Variants in TRPM7 observed in about 807,000 individuals in gnomAD.
TRPM7 encodes LTRPC ion channel family member 7.
TRPM7 carries 134 observed loss-of-function variants against 229.7 expected under a neutral mutation model. The observed-to-expected ratio is 0.58, with a 90% CI of 0.51 to 0.67. The LOEUF (loss-of-function observed/expected upper bound fraction) is 0.67. TRPM7 is among the 30% of genes least tolerant of loss of function. The pLI is 0.00. For missense variants in TRPM7, 1,901 were observed against 2,210.0 expected, an observed-to-expected ratio of 0.86 and a Z score of 2.80; for synonymous variants, 699 against 715.2, an observed-to-expected ratio of 0.98 and a Z score of 0.36.
chr15:50,646,243 G>C (rs1377699002), intron 4 of TRPM7, among the ~76,000 whole-genome samples: 1 of 152,104 alleles, frequency 6.6e-6, no homozygotes, highest in Non-Finnish European at 1.5e-5. Flanking sequence ...TCAGAACACG[G>C]AGGCAGGCAG....
Position 50,669,179 on chromosome 15 carries a change from C to A in TRPM7, c.4-6133G>T, listed in dbSNP as rs746122680. ...GCTCATGGCTGAGCGTGGTGGCTCACGCCTGTAATCACAGCACATTGGGAG... is the reference window on the plus strand; with the variant it reads ...GCTCATGGCTGAGCGTGGTGGCTCAAGCCTGTAATCACAGCACATTGGGAG... On this transcript the variant is annotated intron_variant, in intron 1 of 38. Transcript: ENST00000646667. 2.0e-5 allele frequency among the ~76,000 whole-genome samples: 3 copies of A among 152,076 alleles called. No individual in the cohort carries two copies. The East Asian group carries it at 5.8e-4, about 29-fold the overall frequency.
rs2053244221 is a variant in TRPM7 at position 50,559,873 on chromosome 15, C to A, written c.*1805G>T. The A allele has an allele frequency of 6.6e-6, 1 of 151,870 alleles. No individual in the cohort carries two copies. 9.4% of individuals were successfully genotyped at this position (151,870 alleles called of 1,614,324 possible). On this transcript the variant is annotated 3_prime_UTR_variant, in exon 39 of 39. Coordinates refer to ENST00000646667, the MANE Select transcript of TRPM7 (RefSeq NM_017672.6). ...ACTAAAAATATAAAAATTAGCTGGG[C>A]ATGGTGGCGTGTGCCTGTAGTCCCA...
At chr15:50,602,813 G>A (rs1278082000) in intron 21 of TRPM7, among the ~76,000 whole-genome samples, 1 of 152,134 alleles carries the variant, frequency 6.6e-6, no homozygotes, top group African/African-American at 2.4e-5. Context: ...TGGCACTAGG[G>A]AAAACACACA....
chr15:50,642,243 A>G (rs926911045), intron 5 of TRPM7, among the ~76,000 whole-genome samples: 2 of 152,190 alleles, frequency 1.3e-5, no homozygotes, highest in African/African-American at 4.8e-5. Flanking sequence ...AGTGATGGAA[A>G]TAATGCTTTG....
At chr15:50,593,506 A>T in intron 25 of TRPM7, 111 bp downstream of exon 25, 1 of 1,156,608 alleles carries the variant, frequency 8.6e-7, no homozygotes, top group Non-Finnish European at 1.2e-6. Flanking sequence ...GTAAAACTGT[A>T]ACTATGCTTA....
intron 3 of TRPM7, among the ~76,000 whole-genome samples, chr15:50,654,339 C>T (rs1019067921): frequency 1.3e-5 from 2 of 150,920 alleles, no homozygotes; most frequent in African/African-American, 2.4e-5. Flanking sequence ...CCCAGCTACT[C>T]GGGAGGCTAA....
rs80128460 is a variant in TRPM7 at position 50,632,727 on chromosome 15, A to G, written c.1131+142T>C. The G allele has an allele frequency of 7.6e-4, 606 of 793,400 alleles. 12 individuals are homozygous for G. In the East Asian group the frequency reaches 0.018, roughly 23 times the overall value. The allele number at this position is 793,400 out of a possible 1,614,324, so 49.1% of individuals were successfully genotyped here. ...ACCTCTCAACTTGAACAGACCAATA[A>G]ATGACATATTTTTATGGTTAATAAA... On this transcript the variant is annotated intron_variant, in intron 9 of 38. Transcript: ENST00000646667.
At chr15:50,580,560 C>A (rs567713798) in intron 30 of TRPM7, among the ~76,000 whole-genome samples, 101 of 152,208 alleles carry the variant, frequency 6.6e-4, no homozygotes, top group African/African-American at 2.4e-3. Flanking sequence ...CAAACTAGGT[C>A]TCTCAACAAA....
intron 10 of TRPM7, among the ~76,000 whole-genome samples, chr15:50,628,810 T>C (rs1431167184): frequency 1.3e-5 from 2 of 152,244 alleles, no homozygotes; most frequent in Non-Finnish European, 2.9e-5. Flanking sequence ...GAACTGTTTC[T>C]ATCACAGAGA....
At chr15:50,682,081 G>C (rs1053662317) in intron 1 of TRPM7, among the ~76,000 whole-genome samples, 66 of 145,766 alleles carry the variant, frequency 4.5e-4, no homozygotes, top group Non-Finnish European at 7.9e-4. Context: ...GAGAGGCTGA[G>C]GCAGGAGAAT....
At chr15:50,664,310 A>G (rs2061823468) in intron 1 of TRPM7, among the ~76,000 whole-genome samples, 1 of 147,502 alleles carries the variant, frequency 6.8e-6, no homozygotes, top group African/African-American at 2.5e-5. Flanking sequence ...CTCCGTCTCA[A>G]AAAAAAAAAA....
intron 3 of TRPM7, among the ~76,000 whole-genome samples, chr15:50,652,078 A>G (rs928766108): frequency 1.3e-5 from 2 of 151,930 alleles, no homozygotes; most frequent in African/African-American, 4.8e-5. Flanking sequence ...CATGCCTGTA[A>G]TCCCAGCACT....
At chr15:50,562,439 A>C (rs1005017279) in intron 38 of TRPM7, among the ~76,000 whole-genome samples, 1 of 152,110 alleles carries the variant, frequency 6.6e-6, no homozygotes, top group Admixed American at 6.5e-5. Context: ...GACAAAAAAT[A>C]AGCAAACAGA....
chr15:50,650,730 G>C (rs2140851353), intron 3 of TRPM7, among the ~76,000 whole-genome samples: 1 of 151,920 alleles, frequency 6.6e-6, no homozygotes, highest in East Asian at 1.9e-4. Flanking sequence ...ATCAGACCTA[G>C]ACAGCCCATG....
intron 9 of TRPM7, 63 bp from the exon 10 acceptor site, chr15:50,631,552 C>G: frequency 8.6e-7 from 1 of 1,167,792 alleles, no homozygotes; most frequent in South Asian, 1.4e-5. Context: ...CATCATAAAA[C>G]TCAGTAATTT....
chr15:50,657,451 A>G (rs1238398406), intron 3 of TRPM7, among the ~76,000 whole-genome samples: 2 of 152,168 alleles, frequency 1.3e-5, no homozygotes, highest in Non-Finnish European at 2.9e-5. Flanking sequence ...TCCAGGCCCA[A>G]ATCTCTCAAA....
intron 16 of TRPM7, 59 bp downstream of exon 16, chr15:50,612,490 C>A: frequency 6.5e-7 from 1 of 1,528,562 alleles, no homozygotes; most frequent in Non-Finnish European, 8.9e-7. Flanking sequence ...GTAACAGCCA[C>A]TCAAACAATA....
At chr15:50,595,007 G>A (rs558105596) in intron 23 of TRPM7, among the ~76,000 whole-genome samples, 2 of 152,054 alleles carry the variant, frequency 1.3e-5, no homozygotes, top group South Asian at 2.1e-4. Context: ...AGTTCAAGAC[G>A]AGCCTGGGCA....
chr15:50,679,533 TATATA>T lies in TRPM7; in HGVS notation c.3+6993_3+6997del, dbSNP rs370429217. ...TATAATATATATATATATATATATA[TATATA>T]TTTTTTTTTTTTTTTGAGACAGAGT... On this transcript the variant is annotated intron_variant, in intron 1 of 38. Coordinates refer to ENST00000646667, the MANE Select transcript of TRPM7 (RefSeq NM_017672.6). 7.2e-3 allele frequency among the ~76,000 whole-genome samples: 374 copies of T among 51,636 alleles called. 5 individuals carry two copies. The highest frequency in any genetic ancestry group is 0.01 in the South Asian group (16 of 1,528). 33.9% of individuals were successfully genotyped at this position (51,636 alleles called of 152,430 possible).
Sources: gnomAD v4.1 joint callset for allele counts (sites outside exome capture counted in the v4.1 genomes callset) on GRCh38, gnomAD v4.1.1 for gene constraint, MANE v1.5 for transcripts, NCBI Gene and HGNC (gene_info 2026-07-23, HGNC 2026-07-21) for gene names.